Variants in SLC14A2 observed in about 807,000 individuals in gnomAD.
The protein encoded by SLC14A2 is solute carrier family 14 member 2, also known as urea transporter 2.
SLC14A2 carries 91 observed loss-of-function variants against 104.6 expected under a neutral mutation model. That is an observed-to-expected ratio of 0.87 (90% CI 0.73 to 1.04). SLC14A2 has a LOEUF of 1.04. SLC14A2 is among the 50% of genes least tolerant of loss of function. SLC14A2 has a pLI of 0.00. For missense variants in SLC14A2, 1,189 were observed against 1,156.0 expected (o/e 1.03, Z -0.41); for synonymous variants, 476 against 466.4 (o/e 1.02, Z -0.27).
chr18:45,552,769 C>T (rs891485842), intron 2 of SLC14A2, among the ~76,000 whole-genome samples: 4 of 152,098 alleles, frequency 2.6e-5, no homozygotes, highest in African/African-American at 4.8e-5. Flanking sequence ...GTGCAAAAGA[C>T]GTGAGATGGG....
intron 1 of SLC14A2, among the ~76,000 whole-genome samples, chr18:45,339,120 G>A (rs2085367882): frequency 6.6e-6 from 1 of 152,020 alleles, no homozygotes; most frequent in Non-Finnish European, 1.5e-5. Flanking sequence ...TGTTTCTGTT[G>A]TTGTTATTTG....
the SLC14A2 span, among the ~76,000 whole-genome samples, chr18:45,187,340 C>T: frequency 6.6e-6 from 1 of 152,088 alleles, no homozygotes; most frequent in Non-Finnish European, 1.5e-5. Context: ...ATTTTAAAGA[C>T]AGCTTTTGAG....
At position 45,637,182 on chromosome 18, in the gene SLC14A2, G is replaced by A. The variant is rs777427004; in HGVS notation, c.843G>A (p.Leu281=). The A allele has an allele frequency of 6.2e-7, 1 of 1,613,318 alleles. No individual in the cohort carries two copies. Among genetic ancestry groups the A allele is most frequent in the East Asian group, 2.2e-5 (1 of 44,878 alleles). Residue 281 remains leucine, a splice_region_variant and synonymous_variant, in exon 6 of 20, where the codon CTG becomes CTA. Coordinates refer to ENST00000255226, the MANE Select transcript of SLC14A2 (RefSeq NM_007163.4). ...NITWTEMEMP[L]LLQAIPVGVG... ...CCTGGACAGAGATGGAAATGCCCCTGGTAAGTTACCCAGCGGTGATGAGTT... is the reference window on the plus strand; with the variant it reads ...CCTGGACAGAGATGGAAATGCCCCTAGTAAGTTACCCAGCGGTGATGAGTT...
chr18:45,472,105 CT>C (rs2087261304), intron 1 of SLC14A2, among the ~76,000 whole-genome samples: 1 of 152,106 alleles, frequency 6.6e-6, no homozygotes, highest in African/African-American at 2.4e-5. Context: ...TCAACTCCCC[CT>C]TATGAGTGAG....
At chr18:45,267,904 G>A (rs755229976) in intron 1 of SLC14A2, among the ~76,000 whole-genome samples, 12 of 152,104 alleles carry the variant, frequency 7.9e-5, no homozygotes, top group Non-Finnish European at 1.5e-4. Context: ...ACAGTTTGGC[G>A]TGGACTAAAG....
chr18:45,441,137 G>A (rs756543428), intron 1 of SLC14A2, among the ~76,000 whole-genome samples: 1 of 152,002 alleles, frequency 6.6e-6, no homozygotes, highest in Non-Finnish European at 1.5e-5. Context: ...TTCCACTTTG[G>A]CTGTCTTTGA....
intron 1 of SLC14A2, among the ~76,000 whole-genome samples, chr18:45,309,822 G>A (rs1225337179): frequency 2.6e-5 from 4 of 152,098 alleles, no homozygotes; most frequent in Non-Finnish European, 5.9e-5. Flanking sequence ...GCATATCCTT[G>A]TATAATAACT....
intron 1 of SLC14A2, among the ~76,000 whole-genome samples, chr18:45,238,933 CAAAG>C (rs2084283631): frequency 6.6e-6 from 1 of 151,792 alleles, no homozygotes; most frequent in Non-Finnish European, 1.5e-5. Context: ...GGACAGAAGA[CAAAG>C]AAGCATTAAC....
chr18:45,539,870 CA>C (rs761173904), intron 2 of SLC14A2, among the ~76,000 whole-genome samples: 13 of 125,784 alleles, frequency 1.0e-4, no homozygotes, highest in Non-Finnish European at 1.9e-4. Context: ...TAAGCCATGA[CA>C]GAAAGAAAAA....
chr18:45,661,961 C>T lies in SLC14A2; in HGVS notation c.1352-1824C>T, dbSNP rs1487136943. On this transcript the variant is annotated intron_variant, in intron 10 of 19. Transcript: ENST00000255226. Reference sequence around the variant, plus strand: ...GCTGAAACAGTAGCTGCTTCTCCATCCTGAGCCAGAGGGAAGGGACACGAT... The same window carrying T: ...GCTGAAACAGTAGCTGCTTCTCCATTCTGAGCCAGAGGGAAGGGACACGAT... Among the ~76,000 whole-genome samples the T allele has an allele frequency of 2.0e-5, 3 of 152,170 alleles. No individual in the cohort carries two copies. In the East Asian group the frequency reaches 5.8e-4, roughly 29 times the overall value.
intron 3 of SLC14A2, 114 bp from the exon 4 acceptor site, chr18:45,626,841 GAAT>G: frequency 1.4e-6 from 1 of 710,194 alleles, no homozygotes; most frequent in Non-Finnish European, 2.3e-6. Context: ...TGGCCTGGCT[GAAT>G]GGGAAGGGTC....
At chr18:45,262,473 G>T (rs567361136) in intron 1 of SLC14A2, among the ~76,000 whole-genome samples, 1 of 152,102 alleles carries the variant, frequency 6.6e-6, no homozygotes, top group Non-Finnish European at 1.5e-5. Flanking sequence ...ATTCTGGTCC[G>T]GACTCTCATT....
At chr18:45,411,276 T>A (rs2086212653) in intron 1 of SLC14A2, among the ~76,000 whole-genome samples, 1 of 152,242 alleles carries the variant, frequency 6.6e-6, no homozygotes, top group Admixed American at 6.5e-5. Context: ...AGTGCTTTTG[T>A]ATTTAGCCTG....
intron 2 of SLC14A2, among the ~76,000 whole-genome samples, chr18:45,553,480 G>A (rs2044084073): frequency 6.6e-6 from 1 of 152,146 alleles, no homozygotes; most frequent in South Asian, 2.1e-4. Context: ...TCCTAACTTA[G>A]CATTGATCCA....
intron 2 of SLC14A2, among the ~76,000 whole-genome samples, chr18:45,540,991 G>C (rs979077389): frequency 2.0e-5 from 3 of 152,146 alleles, no homozygotes; most frequent in Admixed American, 6.5e-5. Flanking sequence ...TGAGGCTGAA[G>C]GACAAGGAGG....
chr18:45,373,314 A>G (rs895490017), intron 1 of SLC14A2, among the ~76,000 whole-genome samples: 1 of 152,160 alleles, frequency 6.6e-6, no homozygotes, highest in Non-Finnish European at 1.5e-5. Context: ...TCTCTCTAGC[A>G]TAGTTGCTGC....
chr18:45,579,157 A>G (rs558034910), intron 2 of SLC14A2, among the ~76,000 whole-genome samples: 5 of 152,366 alleles, frequency 3.3e-5, no homozygotes, highest in African/African-American at 1.2e-4. Context: ...GCCATATTCT[A>G]CTGGTCACAG....
intron 1 of SLC14A2, among the ~76,000 whole-genome samples, chr18:45,354,735 C>T (rs1265168102): frequency 2.0e-5 from 3 of 152,140 alleles, no homozygotes; most frequent in Non-Finnish European, 2.9e-5. Flanking sequence ...TGAAGTTTTC[C>T]AAATTTCATG....
At chr18:45,590,352 T>TC (rs1385683497) in intron 2 of SLC14A2, among the ~76,000 whole-genome samples, 1 of 151,830 alleles carries the variant, frequency 6.6e-6, no homozygotes, top group Non-Finnish European at 1.5e-5. Context: ...AGGCCCATAC[T>TC]CCCCCCAGCT....
Sources: gnomAD v4.1 joint callset for allele counts (sites outside exome capture counted in the v4.1 genomes callset) on GRCh38, gnomAD v4.1.1 for gene constraint, MANE v1.5 for transcripts, NCBI Gene and HGNC (gene_info 2026-07-23, HGNC 2026-07-21) for gene names.